UPP2: variants seen among roughly 807,000 people sequenced by gnomAD.
UPP2 encodes the protein UPase 2.
In UPP2, 23 loss-of-function variants were observed where a neutral mutation model predicts 26.7. The observed-to-expected ratio is 0.86, with a 90% CI of 0.62 to 1.22. UPP2 has a LOEUF of 1.22. Among genes scored for constraint, UPP2 ranks in the 50% most tolerant of loss-of-function variants. The pLI is 0.00. For synonymous variants in UPP2, 127 were observed against 141.3 expected, an observed-to-expected ratio of 0.90 and a Z score of 0.72; for missense variants, 387 against 396.7, an observed-to-expected ratio of 0.98 and a Z score of 0.21.
chr2:158,033,163 G>A (rs1683949742), intron 3 of UPP2, among the ~76,000 whole-genome samples: 1 of 152,108 alleles, frequency 6.6e-6, no homozygotes, highest in Non-Finnish European at 1.5e-5. Context: ...AGATGGGAGG[G>A]GGGCCCCAAA....
At chr2:158,109,647 C>G (rs143802263) in intron 2 of UPP2, among the ~76,000 whole-genome samples, 1 of 152,162 alleles carries the variant, frequency 6.6e-6, no homozygotes, top group Non-Finnish European at 1.5e-5. Flanking sequence ...ATTCTAGTCA[C>G]TGGAACCCAG....
intron 2 of UPP2, among the ~76,000 whole-genome samples, chr2:158,113,690 C>T (rs888859610): frequency 6.6e-6 from 1 of 152,140 alleles, no homozygotes; most frequent in Non-Finnish European, 1.5e-5. Context: ...TGAATGGGGC[C>T]GCCTATTCTA....
chr2:158,104,759 T>C (rs1341644995), intron 1 of UPP2, among the ~76,000 whole-genome samples: 1 of 151,830 alleles, frequency 6.6e-6, no homozygotes, highest in African/African-American at 2.4e-5. Context: ...CCATCTCTAC[T>C]AAAAATACAA....
At chr2:158,005,744 G>C (rs911045713) in intron 2 of UPP2, among the ~76,000 whole-genome samples, 33 of 152,158 alleles carry the variant, frequency 2.2e-4, no homozygotes, top group African/African-American at 7.7e-4. Flanking sequence ...TTGAGTGCTT[G>C]ACACTGCAGG....
intron 3 of UPP2, among the ~76,000 whole-genome samples, chr2:158,042,077 C>T (rs1355017062): frequency 6.6e-6 from 1 of 152,200 alleles, no homozygotes; most frequent in African/African-American, 2.4e-5. Flanking sequence ...AATGCTGCCT[C>T]ACTTCATTCT....
intron 3 of UPP2, among the ~76,000 whole-genome samples, chr2:158,059,707 T>C (rs948144527): frequency 2.0e-5 from 3 of 152,210 alleles, no homozygotes; most frequent in African/African-American, 7.2e-5. Flanking sequence ...CTCTGGAGTG[T>C]GAACACCTCA....
At chr2:158,093,663 A>G (rs1042384493) in intron 3 of UPP2, among the ~76,000 whole-genome samples, 3 of 152,178 alleles carry the variant, frequency 2.0e-5, no homozygotes, top group African/African-American at 7.2e-5. Context: ...GCAAAGAGAT[A>G]CCATTTTACA....
intron 2 of UPP2, among the ~76,000 whole-genome samples, chr2:158,000,563 G>A (rs1487742932): frequency 6.6e-6 from 1 of 152,160 alleles, no homozygotes; most frequent in Non-Finnish European, 1.5e-5. Context: ...TTTCTTGCTG[G>A]AGATGGCTTC....
In UPP2 at chr2:158,115,164, C is replaced by T. The variant is rs370910787; in HGVS notation, c.244C>T (p.Leu82Phe). 3 of 1,613,356 alleles carry T rather than the reference C, an allele frequency of 1.9e-6. No homozygotes were observed. Among genetic ancestry groups the T allele is most frequent in the African/African-American group, 1.3e-5 (1 of 74,750 alleles). The change falls in exon 3 of 7, where the codon CTC becomes TTC. Residue 82 changes from leucine (L) to phenylalanine (F), a missense_variant. Transcript: ENST00000005756. ...KAFALFMHKE[L>F]GFEEAEEDIK... Reference sequence around the variant, plus strand: ...ATTTGCACTGTTTATGCACAAGGAGCTCGGGTTTGAGGAAGCTGAAGAAGA... The same window carrying T: ...ATTTGCACTGTTTATGCACAAGGAGTTCGGGTTTGAGGAAGCTGAAGAAGA...
At chr2:158,126,926 G>T (rs746682567) in intron 6 of UPP2, among the ~76,000 whole-genome samples, 1 of 152,096 alleles carries the variant, frequency 6.6e-6, no homozygotes, top group Non-Finnish European at 1.5e-5. Context: ...TGTTCCTTTA[G>T]TACACCAGAT....
At chr2:158,002,513 T>C (rs1683424966) in intron 2 of UPP2, among the ~76,000 whole-genome samples, 1 of 152,252 alleles carries the variant, frequency 6.6e-6, no homozygotes. Flanking sequence ...AAGGCAGCTA[T>C]CTGGCAGGCC....
At chr2:158,068,790 ATATATATATATATTTTTTTTTTTTTTTTT>A (rs1682483750) in intron 3 of UPP2, among the ~76,000 whole-genome samples, 2 of 17,144 alleles carry the variant, frequency 1.2e-4, no homozygotes, top group Non-Finnish European at 2.2e-4. Flanking sequence ...ATATATATAT[ATATATATATATATTTTTTTTTTTTTTTTT>A]TTTTTTTTTT....
chr2:158,011,261 A>C (rs1347125858), intron 2 of UPP2, among the ~76,000 whole-genome samples: 6 of 152,222 alleles, frequency 3.9e-5, no homozygotes. Context: ...AGGTAACCAG[A>C]CAGCCAGAAG....
chr2:158,045,007 C>T (rs1684131837), intron 3 of UPP2, among the ~76,000 whole-genome samples: 3 of 152,156 alleles, frequency 2.0e-5, no homozygotes, highest in African/African-American at 7.2e-5. Flanking sequence ...TTTCTTTCCC[C>T]CTCAAATCCT....
upstream of UPP2, among the ~76,000 whole-genome samples, chr2:158,098,092 G>A (rs374494292): frequency 2.0e-5 from 3 of 152,068 alleles, no homozygotes; most frequent in African/African-American, 4.8e-5. Flanking sequence ...ACTTGAACAC[G>A]GAGATTGCTA....
At chr2:158,026,657 C>G (rs1287273930) in intron 3 of UPP2, among the ~76,000 whole-genome samples, 1 of 152,104 alleles carries the variant, frequency 6.6e-6, no homozygotes, top group Non-Finnish European at 1.5e-5. Flanking sequence ...GTTGGCCACA[C>G]AGAAAGAGTT....
chr2:158,125,368 G>A (rs780182925), intron 6 of UPP2, among the ~76,000 whole-genome samples: 6 of 151,200 alleles, frequency 4.0e-5, no homozygotes, highest in Non-Finnish European at 8.8e-5. Flanking sequence ...ATATATGTAC[G>A]TGTAAATTAT....
At chr2:158,031,567 A>G (rs536547888) in intron 3 of UPP2, among the ~76,000 whole-genome samples, 1 of 152,308 alleles carries the variant, frequency 6.6e-6, no homozygotes, top group East Asian at 1.9e-4. Context: ...AGGACCGCTG[A>G]GGTTCCGAGC....
chr2:158,135,070 T>C lies in UPP2; in HGVS notation c.*180T>C. 1 of 699,092 alleles carries C rather than the reference T, an allele frequency of 1.4e-6. No homozygotes were observed. Among genetic ancestry groups the C allele is most frequent in the Non-Finnish European group, 2.1e-6 (1 of 480,358 alleles). The allele number at this position is 699,092 out of a possible 1,614,324, so 43.3% of individuals were successfully genotyped here. ...ATTGTAAAAGAATACTCACACTAAATTAAATTCAAATTTCATTTTAGAATA... is the reference window on the plus strand; with the variant it reads ...ATTGTAAAAGAATACTCACACTAAACTAAATTCAAATTTCATTTTAGAATA... On this transcript the variant is annotated 3_prime_UTR_variant, in exon 7 of 7. Coordinates refer to ENST00000005756, the MANE Select transcript of UPP2 (RefSeq NM_173355.4).
Sources: allele counts gnomAD v4.1 joint callset (sites outside exome capture counted in the v4.1 genomes callset), GRCh38; gene constraint gnomAD v4.1.1; transcripts MANE v1.5; gene names NCBI Gene and HGNC (gene_info 2026-07-23, HGNC 2026-07-21).